OXR1: variants seen among roughly 807,000 people sequenced by gnomAD.
OXR1 encodes the protein oxidation resistance 1.
In OXR1, 41 loss-of-function variants were observed where a neutral mutation model predicts 104.6. That is an observed-to-expected ratio of 0.39 (90% CI 0.31 to 0.51). The LOEUF is 0.51. OXR1 is among the 20% of genes least tolerant of loss of function. The probability of loss-of-function intolerance (pLI) is 0.77; values close to 1 mark genes in which losing one functional copy is unlikely to be tolerated. For synonymous variants in OXR1, 348 were observed against 348.4 expected (o/e 1.00, Z 0.01); for missense variants, 955 against 1,031.9 (o/e 0.93, Z 1.02).
chr8:106,658,308 C>G (rs1344721748), intron 3 of OXR1: 19 of 1,148,688 alleles, frequency 1.7e-5, no homozygotes, highest in Non-Finnish European at 2.1e-5. Context: ...TGGGCCGGGG[C>G]GGGCAACGTG....
At chr8:106,407,289 G>A (rs1818281904) in intron 2 of OXR1, among the ~76,000 whole-genome samples, 1 of 152,150 alleles carries the variant, frequency 6.6e-6, no homozygotes, top group Non-Finnish European at 1.5e-5. Flanking sequence ...GCTGGGATTT[G>A]TCTGAAGGGT....
chr8:106,401,995 A>T (rs1193278143), intron 2 of OXR1, among the ~76,000 whole-genome samples: 1 of 152,170 alleles, frequency 6.6e-6, no homozygotes, highest in Non-Finnish European at 1.5e-5. Flanking sequence ...TTTCCAGCTA[A>T]AAGCAAACGG....
At chr8:106,396,721 T>C (rs1176701844) in intron 2 of OXR1, among the ~76,000 whole-genome samples, 1 of 152,020 alleles carries the variant, frequency 6.6e-6, no homozygotes, top group African/African-American at 2.4e-5. Flanking sequence ...TTACTTTTAA[T>C]GGTAAAAACC....
Position 106,518,942 on chromosome 8 carries a change from G to A in OXR1, c.24-1G>A. On this transcript the variant is annotated splice_acceptor_variant, in intron 2 of 16. Transcript: ENST00000517566. LOFTEE classifies it high-confidence loss of function. ...TAGCATGTGGTCTTCTTTACTTGTA[G>A]GCTGAAGAAAAAGTCCCAGTCGGTG... 1 of 1,548,570 alleles carries A rather than the reference G, an allele frequency of 6.5e-7. No individual in the cohort carries two copies. Among genetic ancestry groups the A allele is most frequent in the Non-Finnish European group, 8.7e-7 (1 of 1,144,762 alleles).
chr8:106,487,928 G>T (rs1810800748), intron 2 of OXR1, among the ~76,000 whole-genome samples: 1 of 151,376 alleles, frequency 6.6e-6, no homozygotes, highest in African/African-American at 2.4e-5. Flanking sequence ...AGTCCTTTGG[G>T]TATATACCCA....
intron 11 of OXR1, among the ~76,000 whole-genome samples, chr8:106,719,323 C>T (rs914578355): frequency 2.0e-5 from 3 of 152,166 alleles, no homozygotes; most frequent in Admixed American, 6.5e-5. Flanking sequence ...TCGTGATGAT[C>T]GCACTTTTGT....
chr8:106,289,846 A>G lies in OXR1; in HGVS notation c.-139+19479A>G, dbSNP rs978515309. 2.0e-5 allele frequency among the ~76,000 whole-genome samples: 3 copies of G among 152,128 alleles called. No homozygotes were observed. The East Asian group carries it at 5.8e-4, about 29-fold the overall frequency. On this transcript the variant is annotated intron_variant, in intron 1 of 16. Coordinates refer to ENST00000517566, the MANE Select transcript of OXR1 (RefSeq NM_001198533.2). ...AAGTAACTGAATCATCGGGGCTGTT[A>G]CCCCCATGCTGTTCTCATGATAGTG...
chr8:106,402,658 T>A (rs1818046310), intron 2 of OXR1, among the ~76,000 whole-genome samples: 1 of 152,176 alleles, frequency 6.6e-6, no homozygotes, highest in African/African-American at 2.4e-5. Context: ...TGATTATTTC[T>A]TTTCCTCAAT....
chr8:106,297,305 A>G (rs998681316), intron 1 of OXR1, among the ~76,000 whole-genome samples: 2 of 152,062 alleles, frequency 1.3e-5, no homozygotes, highest in African/African-American at 4.8e-5. Flanking sequence ...CTTGGATTAG[A>G]TAATTTTCCT....
At chr8:106,694,332 CT>C (rs1302925605) in intron 7 of OXR1, among the ~76,000 whole-genome samples, 1 of 148,184 alleles carries the variant, frequency 6.7e-6, no homozygotes, top group Non-Finnish European at 1.5e-5. Flanking sequence ...AACTATCTCA[CT>C]GTTATTGTGG....
chr8:106,433,237 A>G (rs1389230426), intron 2 of OXR1, among the ~76,000 whole-genome samples: 3 of 152,084 alleles, frequency 2.0e-5, no homozygotes, highest in African/African-American at 7.2e-5. Flanking sequence ...GGTTTTCATA[A>G]TGTCTTCTGT....
At chr8:106,658,843 A>G (rs1825449602) in intron 3 of OXR1, among the ~76,000 whole-genome samples, 2 of 152,150 alleles carry the variant, frequency 1.3e-5, no homozygotes, top group South Asian at 2.1e-4. Flanking sequence ...TCTTTAAAAC[A>G]GTCATTTGTA....
intron 2 of OXR1, among the ~76,000 whole-genome samples, chr8:106,514,489 C>T (rs923144073): frequency 4.6e-5 from 7 of 152,040 alleles, no homozygotes; most frequent in Non-Finnish European, 1.0e-4. Flanking sequence ...ACGTGATGCC[C>T]TTCGAGTCTT....
At chr8:106,635,359 T>C (rs1004496870) in intron 3 of OXR1, among the ~76,000 whole-genome samples, 2 of 152,218 alleles carry the variant, frequency 1.3e-5, no homozygotes, top group Non-Finnish European at 2.9e-5. Flanking sequence ...TCCTCTATTT[T>C]TGAGTATATT....
At chr8:106,349,191 G>GT (rs1187510150) in intron 1 of OXR1, among the ~76,000 whole-genome samples, 1 of 151,864 alleles carries the variant, frequency 6.6e-6, no homozygotes, top group Non-Finnish European at 1.5e-5. Flanking sequence ...TGATTATTAG[G>GT]TTTTTGATCA....
chr8:106,443,765 T>C (rs1055626252), intron 2 of OXR1, among the ~76,000 whole-genome samples: 8 of 152,132 alleles, frequency 5.3e-5, no homozygotes, highest in Non-Finnish European at 8.8e-5. Flanking sequence ...GGCAATTCCA[T>C]TCAGGACATA....
intron 7 of OXR1, among the ~76,000 whole-genome samples, chr8:106,694,976 TA>T (rs1404676608): frequency 2.2e-5 from 2 of 90,056 alleles, no homozygotes; most frequent in Admixed American, 1.0e-4. Flanking sequence ...ATGTATATTA[TA>T]ATATATATCT....
At chr8:106,340,687 G>C (rs1273202700) in intron 1 of OXR1, among the ~76,000 whole-genome samples, 1 of 151,982 alleles carries the variant, frequency 6.6e-6, no homozygotes, top group Non-Finnish European at 1.5e-5. Context: ...AGCTTTTCCT[G>C]GTTTTGTGCT....
chr8:106,728,252 A>ATAAC (rs1209860985), intron 11 of OXR1, among the ~76,000 whole-genome samples: 1 of 151,718 alleles, frequency 6.6e-6, no homozygotes, highest in Non-Finnish European at 1.5e-5. Context: ...TTCTAAGAGA[A>ATAAC]TAACCAGTAT....
Sources: allele counts gnomAD v4.1 joint callset (sites outside exome capture counted in the v4.1 genomes callset), GRCh38; gene constraint gnomAD v4.1.1; transcripts MANE v1.5; gene names NCBI Gene and HGNC (gene_info 2026-07-23, HGNC 2026-07-21).